The following NRP2 variants were observed in gnomAD, a reference collection of about 807,000 sequenced individuals.
The protein encoded by NRP2 is neuropilin 2.
Under a neutral mutation model 110.4 loss-of-function variants are expected in NRP2, and 52 were observed. The observed-to-expected ratio is 0.47, with a 90% CI of 0.38 to 0.59. The LOEUF (loss-of-function observed/expected upper bound fraction) is 0.59. NRP2 is among the 20% of genes least tolerant of loss of function. The pLI, the probability that NRP2 is intolerant of heterozygous loss-of-function variation, is 0.00. For missense variants in NRP2, 1,049 were observed against 1,203.0 expected (o/e 0.87, Z 1.89); for synonymous variants, 508 against 468.9 (o/e 1.08, Z -1.08).
At chr2:205,705,057 G>GA (rs1249825070) in intron 2 of NRP2, among the ~76,000 whole-genome samples, 1 of 151,828 alleles carries the variant, frequency 6.6e-6, no homozygotes, top group East Asian at 1.9e-4. Flanking sequence ...GAGTCCTATA[G>GA]AAAAAAATTT....
intron 7 of NRP2, among the ~76,000 whole-genome samples, chr2:205,738,751 G>A (rs1469857022): frequency 6.6e-6 from 1 of 152,194 alleles, no homozygotes; most frequent in African/African-American, 2.4e-5. Flanking sequence ...TTAGGACCCG[G>A]GTGGGAGGAC....
chr2:205,716,517 ACAT>A, intron 3 of NRP2, 143 bp downstream of exon 3: 1 of 589,914 alleles, frequency 1.7e-6, no homozygotes, highest in Non-Finnish European at 2.8e-6. Context: ...GAACCCACAA[ACAT>A]CATGAGAAGA....
At chr2:205,766,994 C>T in intron 15 of NRP2, 191 bp downstream of exon 15, 1 of 629,670 alleles carries the variant, frequency 1.6e-6, no homozygotes. Flanking sequence ...TTGAGAGCCT[C>T]ACTGTCTCTT....
Position 205,795,046 on chromosome 2 carries a change from C to T in NRP2, c.2769C>T (p.Cys923=). 1.9e-6 allele frequency: 3 copies of T among 1,614,126 alleles called. No homozygotes were observed. The highest frequency in any genetic ancestry group is 2.2e-5 in the South Asian group (2 of 91,060). ...HKVKMNHQKC[C]SEA ...TCAAGATGAACCACCAAAAGTGCTG[C>T]TCCGAGGCATGACGGATTGCACCTG... The change falls in exon 17 of 17, where the codon TGC becomes TGT. Residue 923 remains cysteine (C), a synonymous_variant. Transcript: ENST00000357785.
intron 12 of NRP2, among the ~76,000 whole-genome samples, chr2:205,762,739 A>G (rs553034955): frequency 8.5e-5 from 13 of 152,308 alleles, no homozygotes; most frequent in Middle Eastern, 3.4e-3. Flanking sequence ...AAGTGGCCAG[A>G]ATGGTCCTGT....
rs940381865 is a variant in NRP2, at chr2:205,716,192, G to A, written c.252-1G>A. Reference sequence around the variant, plus strand: ...TTCTTGTCTGTGCCATCCCCACCCAGGTATGACTTTATCGAGATTCGGGAT... The same window carrying A: ...TTCTTGTCTGTGCCATCCCCACCCAAGTATGACTTTATCGAGATTCGGGAT... On this transcript the variant is annotated splice_acceptor_variant, in intron 2 of 16. Transcript: ENST00000357785. LOFTEE classifies it high-confidence loss of function. 3 of 1,614,028 alleles carry A rather than the reference G, an allele frequency of 1.9e-6. No homozygotes were observed. The highest frequency in any genetic ancestry group is 2.5e-6 in the Non-Finnish European group (3 of 1,180,014).
At chr2:205,743,740 TTTTG>T (rs55976656) in intron 9 of NRP2, 188 bp downstream of exon 9, 84 of 978,622 alleles carry the variant, frequency 8.6e-5, no homozygotes, top group South Asian at 2.0e-4. Context: ...TTTCTGACTC[TTTTG>T]TTTGTTTGTT....
chr2:205,788,322 G>A (rs1479756953), intron 15 of NRP2, among the ~76,000 whole-genome samples: 2 of 152,170 alleles, frequency 1.3e-5, no homozygotes, highest in African/African-American at 4.8e-5. Context: ...GATTACTCAA[G>A]CTCTGTAAAA....
intron 9 of NRP2, among the ~76,000 whole-genome samples, chr2:205,745,269 G>T (rs1021806786): frequency 6.6e-6 from 1 of 152,318 alleles, no homozygotes; most frequent in East Asian, 1.9e-4. Flanking sequence ...TTCCCGTAAG[G>T]TTCTCAGTGA....
intron 10 of NRP2, among the ~76,000 whole-genome samples, chr2:205,748,811 C>T (rs2057587501): frequency 6.6e-6 from 1 of 152,162 alleles, no homozygotes; most frequent in Admixed American, 6.5e-5. Context: ...TTCACCCCAC[C>T]CAGGGCCTGA....
At chr2:205,700,923 A>T (rs1356724872) in intron 2 of NRP2, 1 of 335,074 alleles carries the variant, frequency 3.0e-6, no homozygotes, top group African/African-American at 2.2e-5. Flanking sequence ...CCTGCAGCCA[A>T]AGGACAAAAG....
chr2:205,692,251 C>T (rs2056329776), intron 1 of NRP2, among the ~76,000 whole-genome samples: 1 of 152,196 alleles, frequency 6.6e-6, no homozygotes, highest in Non-Finnish European at 1.5e-5. Flanking sequence ...TAGATTGCAT[C>T]CCTTCCCAGT....
intron 15 of NRP2, among the ~76,000 whole-genome samples, chr2:205,790,648 G>T (rs1434834685): frequency 4.1e-5 from 6 of 145,114 alleles, no homozygotes; most frequent in South Asian, 4.4e-4. Context: ...TTTCTTCCAT[G>T]TTTTTTTTTT....
At chr2:205,706,080 C>G (rs1369360737) in intron 2 of NRP2, among the ~76,000 whole-genome samples, 1 of 151,950 alleles carries the variant, frequency 6.6e-6, no homozygotes, top group Non-Finnish European at 1.5e-5. Context: ...CCCCACAGCC[C>G]CGCTCACCAT....
chr2:205,783,255 C>G (rs2058197538), intron 15 of NRP2, among the ~76,000 whole-genome samples: 1 of 152,102 alleles, frequency 6.6e-6, no homozygotes, highest in African/African-American at 2.4e-5. Context: ...GGACCTGGCT[C>G]TAAGTGTCAG....
At chr2:205,772,166 C>G (rs2058033156) in intron 15 of NRP2, among the ~76,000 whole-genome samples, 1 of 152,204 alleles carries the variant, frequency 6.6e-6, no homozygotes, top group Non-Finnish European at 1.5e-5. Flanking sequence ...ACTCAGGTCT[C>G]CCTTTGGAGG....
chr2:205,685,412 C>G (rs1218706336), intron 1 of NRP2, among the ~76,000 whole-genome samples: 1 of 34,710 alleles, frequency 2.9e-5, no homozygotes, highest in Non-Finnish European at 9.6e-5. Context: ...CGAGGCCAAG[C>G]CACATACCTC....
Position 205,741,459 on chromosome 2 carries a change from A to G in NRP2, c.1291+796A>G, listed in dbSNP as rs139485477. On this transcript the variant is annotated intron_variant, in intron 8 of 16. Transcript: ENST00000357785. ...GGGACCAAAAGAGGAAGTGAGGAGC[A>G]TGGACACAGCTTGTGGGCTGAAACC... Among the ~76,000 whole-genome samples the G allele has an allele frequency of 4.8e-3, 738 of 152,360 alleles. 8 individuals carry two copies. The highest frequency in any genetic ancestry group is 0.017 in the African/African-American group (699 of 41,590).
At chr2:205,737,791 T>C (rs1012598343) in intron 7 of NRP2, among the ~76,000 whole-genome samples, 2 of 152,224 alleles carry the variant, frequency 1.3e-5, no homozygotes, top group African/African-American at 4.8e-5. Flanking sequence ...GTCAGGTAGA[T>C]GGCCTAGGGG....
Sources: gnomAD v4.1 joint callset for allele counts (sites outside exome capture counted in the v4.1 genomes callset) on GRCh38, gnomAD v4.1.1 for gene constraint, MANE v1.5 for transcripts, NCBI Gene and HGNC (gene_info 2026-07-23, HGNC 2026-07-21) for gene names.